The following CREB5 variants were observed in gnomAD, a reference collection of about 807,000 sequenced individuals.
The protein encoded by CREB5 is cAMP responsive element binding protein 5, also known as cyclic AMP-responsive element-binding protein 5.
Under a neutral mutation model 57.1 loss-of-function variants are expected in CREB5, and 19 were observed. The ratio of observed to expected loss-of-function variants is 0.33; its 90% CI spans 0.23 to 0.49. The LOEUF is 0.49. Ranked by LOEUF, CREB5 falls within the 20% of genes least tolerant of loss-of-function variation. The pLI is 0.99. For synonymous variants in CREB5, 238 were observed against 238.3 expected, an observed-to-expected ratio of 1.00 and a Z score of 0.01; for missense variants, 579 against 671.6, an observed-to-expected ratio of 0.86 and a Z score of 1.52.
intron 1 of CREB5, among the ~76,000 whole-genome samples, chr7:28,423,947 G>A (rs1240092790): frequency 6.6e-6 from 1 of 152,122 alleles, no homozygotes; most frequent in African/African-American, 2.4e-5. Context: ...CACAAACTCG[G>A]GGGCTTAAAC....
At chr7:28,533,709 C>T (rs1429654328) in intron 4 of CREB5, among the ~76,000 whole-genome samples, 1 of 152,168 alleles carries the variant, frequency 6.6e-6, no homozygotes, top group Non-Finnish European at 1.5e-5. Context: ...CAGAGGCTGC[C>T]TCCTCTTCTG....
At chr7:28,732,400 A>G (rs12154487) in intron 7 of CREB5, among the ~76,000 whole-genome samples, 65,914 of 151,886 alleles carry the variant, frequency 0.43, 14,700 homozygotes, top group Middle Eastern at 0.52. Context: ...ATCTGGGCAA[A>G]AAAAACTGCA....
chr7:28,667,072 C>T (rs750351897), intron 5 of CREB5, among the ~76,000 whole-genome samples: 15 of 151,836 alleles, frequency 9.9e-5, no homozygotes, highest in Non-Finnish European at 1.8e-4. Context: ...AAGAGTGAAA[C>T]GAGGACTGAT....
intron 5 of CREB5, among the ~76,000 whole-genome samples, chr7:28,687,325 AG>A (rs1800993163): frequency 6.6e-6 from 1 of 151,876 alleles, no homozygotes; most frequent in East Asian, 1.9e-4. Flanking sequence ...TTCTTGATTG[AG>A]TTGTCTTAGA....
intron 4 of CREB5, among the ~76,000 whole-genome samples, chr7:28,560,927 T>TGCGTGTGTGC (rs1795186680): frequency 1.7e-5 from 1 of 57,576 alleles, no homozygotes; most frequent in Middle Eastern, 7.4e-3. Context: ...TGTGTGCGCG[T>TGCGTGTGTGC]GCGTGTGTGC....
chr7:28,480,778 G>A (rs1331260218), intron 1 of CREB5, among the ~76,000 whole-genome samples: 1 of 152,164 alleles, frequency 6.6e-6, no homozygotes, highest in Middle Eastern at 3.2e-3. Flanking sequence ...GGACCTAAAT[G>A]CGGTTCATAC....
intron 7 of CREB5, among the ~76,000 whole-genome samples, chr7:28,780,591 G>A (rs994027417): frequency 3.9e-5 from 6 of 152,050 alleles, no homozygotes; most frequent in African/African-American, 4.8e-5. Context: ...GTGTGGTGGC[G>A]TGCACCTGTA....
chr7:28,792,124 A>G (rs1807750154), intron 7 of CREB5, among the ~76,000 whole-genome samples: 1 of 152,074 alleles, frequency 6.6e-6, no homozygotes. Context: ...GGTCAACATG[A>G]TGAAATTTCA....
At chr7:28,563,427 TCCTAGGTCTGG>T (rs1795354639) in intron 4 of CREB5, among the ~76,000 whole-genome samples, 1 of 152,214 alleles carries the variant, frequency 6.6e-6, no homozygotes. Context: ...GCAAACTTGA[TCCTAGGTCTGG>T]CCCATCCTAG....
chr7:28,700,214 C>T (rs1446744438), intron 5 of CREB5, among the ~76,000 whole-genome samples: 1 of 152,122 alleles, frequency 6.6e-6, no homozygotes, highest in Non-Finnish European at 1.5e-5. Flanking sequence ...AATATCTCTC[C>T]AACTCACACA....
intron 5 of CREB5, among the ~76,000 whole-genome samples, chr7:28,684,438 C>T (rs1800750123): frequency 6.6e-6 from 1 of 152,216 alleles, no homozygotes; most frequent in Non-Finnish European, 1.5e-5. Context: ...TTCCCCACCC[C>T]AACCCCCAGG....
intron 4 of CREB5, among the ~76,000 whole-genome samples, chr7:28,531,916 C>G (rs779645459): frequency 2.6e-5 from 4 of 152,166 alleles, no homozygotes; most frequent in Admixed American, 2.6e-4. Flanking sequence ...GTACTCCCAG[C>G]TACTCGGGAG....
chr7:28,513,628 A>G (rs981374721), intron 4 of CREB5: 4 of 152,156 alleles, frequency 2.6e-5, no homozygotes, highest in African/African-American at 7.2e-5. Flanking sequence ...TTCTCCTTGC[A>G]GGTTAAAATT....
At position 28,603,889 on chromosome 7, in the gene CREB5, T is replaced by G. The variant is rs1376681168; in HGVS notation, c.464+33352T>G. 2.0e-5 allele frequency among the ~76,000 whole-genome samples: 3 copies of G among 152,170 alleles called. No homozygotes were observed. The South Asian group carries it at 6.2e-4, about 31-fold the overall frequency. ...ACCATTGCTGATGTGAGGAGAAATGTGTCCTCAAGGGATCTGTGGCTGAGA... is the reference window on the plus strand; with the variant it reads ...ACCATTGCTGATGTGAGGAGAAATGGGTCCTCAAGGGATCTGTGGCTGAGA... On this transcript the variant is annotated intron_variant, in intron 5 of 10. Transcript: ENST00000357727.
intron 1 of CREB5, among the ~76,000 whole-genome samples, chr7:28,308,313 C>T (rs770601808): frequency 2.2e-4 from 33 of 152,252 alleles, no homozygotes; most frequent in African/African-American, 6.5e-4. Context: ...CAAAATTTCC[C>T]GAGTGCTTAG....
Position 28,823,636 on chromosome 7 carries a change from G to A in CREB5, c.*4357G>A, listed in dbSNP as rs1182001451. The A allele has an allele frequency of 5.3e-5, 8 of 152,116 alleles. No homozygotes were observed. The East Asian group carries it at 1.4e-3, about 26-fold the overall frequency. 9.4% of individuals were successfully genotyped at this position (152,116 alleles called of 1,614,324 possible). ...TTTTTAAAGTAAGCTCTTTCATTTAGGAAGCAGAGTTCAGCTAAAGGGAAT... is the reference window on the plus strand; with the variant it reads ...TTTTTAAAGTAAGCTCTTTCATTTAAGAAGCAGAGTTCAGCTAAAGGGAAT... On this transcript the variant is annotated 3_prime_UTR_variant, in exon 11 of 11. Coordinates refer to ENST00000357727, the MANE Select transcript of CREB5 (RefSeq NM_182898.4).
At chr7:28,592,627 G>C (rs544732309) in intron 5 of CREB5, among the ~76,000 whole-genome samples, 1 of 152,276 alleles carries the variant, frequency 6.6e-6, no homozygotes, top group African/African-American at 2.4e-5. Context: ...CAGAGGTCAA[G>C]AGTTCAAACA....
chr7:28,560,805 T>TGC (rs67632538), intron 4 of CREB5, among the ~76,000 whole-genome samples: 11 of 54,824 alleles, frequency 2.0e-4, no homozygotes, highest in African/African-American at 6.3e-4. Flanking sequence ...ACAGTGTGTG[T>TGC]GCGCGTGTGT....
chr7:28,495,608 G>A (rs550070772), intron 3 of CREB5, among the ~76,000 whole-genome samples: 11 of 151,886 alleles, frequency 7.2e-5, no homozygotes, highest in Admixed American at 3.9e-4. Flanking sequence ...ATCTATGCAC[G>A]CTGCACTGTT....
Sources: allele counts gnomAD v4.1 joint callset (sites outside exome capture counted in the v4.1 genomes callset), GRCh38; gene constraint gnomAD v4.1.1; transcripts MANE v1.5; gene names NCBI Gene and HGNC (gene_info 2026-07-23, HGNC 2026-07-21).